The following TMEM273 variants were observed in gnomAD, a reference collection of about 807,000 sequenced individuals.
The protein encoded by TMEM273 is transmembrane protein 273.
In TMEM273, 19 loss-of-function variants were observed where a neutral mutation model predicts 17.9. The observed-to-expected ratio is 1.06, with a 90% CI of 0.74 to 1.55. TMEM273 has a LOEUF of 1.55. Among genes scored for constraint, TMEM273 ranks in the 40% most tolerant of loss-of-function variants. The pLI is 0.00. For synonymous variants in TMEM273, 66 were observed against 62.0 expected, an observed-to-expected ratio of 1.07 and a Z score of -0.31; for missense variants, 194 against 155.6, an observed-to-expected ratio of 1.25 and a Z score of -1.31.
chr10:49,176,854 C>T (rs962628412), intron 1 of TMEM273, among the ~76,000 whole-genome samples: 8 of 152,228 alleles, frequency 5.3e-5, no homozygotes, highest in African/African-American at 1.9e-4. Flanking sequence ...TAGGCATCTC[C>T]ACTCTAGTTA....
intron 1 of TMEM273, among the ~76,000 whole-genome samples, chr10:49,180,858 C>A (rs564263835): frequency 6.6e-6 from 1 of 152,280 alleles, no homozygotes; most frequent in African/African-American, 2.4e-5. Flanking sequence ...AGATCAGGAA[C>A]AAAGCAAGAA....
intron 5 of TMEM273, 35 bp from the exon 6 acceptor site, chr10:49,161,657 A>G (rs777928078): frequency 6.2e-7 from 1 of 1,613,996 alleles, no homozygotes; most frequent in East Asian, 2.2e-5. Flanking sequence ...TCATTGCCTA[A>G]GCCTTAGAAG....
At chr10:49,156,049 T>C (rs1366841382) in intron 6 of TMEM273, 140 bp from the exon 7 acceptor site, 152 of 1,560,632 alleles carry the variant, frequency 9.7e-5, no homozygotes, top group Non-Finnish European at 6.1e-6. Flanking sequence ...CACTTCCTTG[T>C]GCAACATAGA....
intron 5 of TMEM273, among the ~76,000 whole-genome samples, chr10:49,164,221 C>T (rs1039795343): frequency 5.3e-5 from 8 of 152,308 alleles, no homozygotes; most frequent in African/African-American, 1.9e-4. Context: ...ACCAACTTCC[C>T]AAAGGGCACC....
rs1203000750 is a variant in TMEM273, at chr10:49,186,076, A to AAGAAGAAGG, written c.43+2217_43+2218insCCTTCTTCT. On this transcript the variant is annotated intron_variant, in intron 1 of 6. Transcript: ENST00000374153. ...GAGGAAGAAGAAGAAGAGGAAGAAG[A>AAGAAGAAGG]AGAAGAAGAAGAAGAAGAAGAAGAA... Among the ~76,000 whole-genome samples, 4 of 141,380 alleles carry AAGAAGAAGG rather than the reference A, an allele frequency of 2.8e-5. No individual in the cohort carries two copies. The East Asian group carries it at 8.1e-4, about 29-fold the overall frequency. 92.8% of individuals were successfully genotyped at this position (141,380 alleles called of 152,430 possible).
Position 49,166,886 on chromosome 10 carries a change from G to A in TMEM273, c.221C>T (p.Thr74Met), listed in dbSNP as rs375931772. 1.9e-5 allele frequency: 31 copies of A among 1,613,776 alleles called. No homozygotes were observed. The highest frequency in any genetic ancestry group is 1.6e-4 in the Middle Eastern group (1 of 6,084). The change falls in exon 3 of 7, where the codon ACG (threonine) becomes ATG (methionine). Residue 74 changes from threonine (T) to methionine (M), a missense_variant. Coordinates refer to ENST00000374153, the MANE Select transcript of TMEM273 (RefSeq NM_001288740.3). Reference sequence around the variant, plus strand: ...TCCCTCACCACTGAGGCCCCCAGGCGTGCTTTTCAGGTCGGAAGAGTCGTC... The same window carrying A: ...TCCCTCACCACTGAGGCCCCCAGGCATGCTTTTCAGGTCGGAAGAGTCGTC... ...FDDDSSDLKS[T>M]PGGLSDTIPL... is the part of the protein sequence containing the mutation.
intron 1 of TMEM273, among the ~76,000 whole-genome samples, chr10:49,177,143 C>G (rs1847034393): frequency 6.6e-6 from 1 of 152,202 alleles, no homozygotes. Context: ...GGCTCCTGAG[C>G]CATCAGACTC....
At chr10:49,168,690 A>AAGGGAGGGAGGGAGGG (rs565991789) in intron 1 of TMEM273, among the ~76,000 whole-genome samples, 1 of 66,328 alleles carries the variant, frequency 1.5e-5, no homozygotes, top group Non-Finnish European at 2.8e-5. Flanking sequence ...GGAAGGAAGG[A>AAGGGAGGGAGGGAGGG]AGGGAGGGAG....
chr10:49,183,527 T>A (rs1439181285), intron 1 of TMEM273, among the ~76,000 whole-genome samples: 1 of 152,222 alleles, frequency 6.6e-6, no homozygotes, highest in Non-Finnish European at 1.5e-5. Context: ...AAAAATTTTT[T>A]AAAAAGTTAA....
At chr10:49,157,291 G>C (rs770454022) in intron 6 of TMEM273, among the ~76,000 whole-genome samples, 1 of 152,220 alleles carries the variant, frequency 6.6e-6, no homozygotes, top group Non-Finnish European at 1.5e-5. Context: ...AGCCACCAGA[G>C]AGCCAGGCAC....
rs1240618330 is a variant in TMEM273 at position 49,186,097 on chromosome 10, A to AAGAAGAAGAAGAAGAAGG, written c.43+2196_43+2197insCCTTCTTCTTCTTCTTCT. ...GAAGAAGAAGAAGAAGAAGAAGAAG[A>AAGAAGAAGAAGAAGAAGG]AGAAGAAGAAGAGGAAGAAGAAGAA... On this transcript the variant is annotated intron_variant, in intron 1 of 6. Transcript: ENST00000374153. 8.0e-3 allele frequency among the ~76,000 whole-genome samples: 926 copies of AAGAAGAAGAAGAAGAAGG among 116,108 alleles called. 15 individuals carry two copies. Among genetic ancestry groups the AAGAAGAAGAAGAAGAAGG allele is most frequent in the East Asian group, 0.013 (31 of 2,342 alleles). 76.2% of individuals were successfully genotyped at this position (116,108 alleles called of 152,430 possible).
At chr10:49,172,960 C>T (rs1846677818) in intron 1 of TMEM273, among the ~76,000 whole-genome samples, 1 of 152,224 alleles carries the variant, frequency 6.6e-6, no homozygotes, top group Non-Finnish European at 1.5e-5. Context: ...TTCCTGTCAA[C>T]TGTGATTGGT....
intron 1 of TMEM273, among the ~76,000 whole-genome samples, chr10:49,174,192 C>T (rs945099070): frequency 1.1e-4 from 17 of 152,242 alleles, no homozygotes; most frequent in African/African-American, 3.1e-4. Flanking sequence ...GAGTGAAACA[C>T]AAGTTATACT....
At chr10:49,168,156 G>A (rs572888993) in intron 1 of TMEM273, among the ~76,000 whole-genome samples, 194 bp from the exon 2 acceptor site, 5 of 152,222 alleles carry the variant, frequency 3.3e-5, no homozygotes, top group Middle Eastern at 3.4e-3. Context: ...CCAGGAACGC[G>A]TCTCCACCCA....
chr10:49,183,427 A>G (rs1258974793), intron 1 of TMEM273, among the ~76,000 whole-genome samples: 1 of 152,144 alleles, frequency 6.6e-6, no homozygotes, highest in Non-Finnish European at 1.5e-5. Context: ...CAAATAAGAT[A>G]AATTATTTAA....
chr10:49,171,144 G>C (rs768341246), intron 1 of TMEM273, among the ~76,000 whole-genome samples: 10 of 152,248 alleles, frequency 6.6e-5, no homozygotes, highest in Non-Finnish European at 1.2e-4. Context: ...GAGAGTCCTA[G>C]GGGACTGAGG....
At chr10:49,174,100 A>G (rs975842114) in intron 1 of TMEM273, among the ~76,000 whole-genome samples, 1 of 152,254 alleles carries the variant, frequency 6.6e-6, no homozygotes, top group African/African-American at 2.4e-5. Flanking sequence ...ACGCTGACAT[A>G]TAAAAGACTC....
chr10:49,166,875 G>A lies in TMEM273; in HGVS notation c.232C>T (p.Leu78Phe). The A allele has an allele frequency of 6.2e-7, 1 of 1,613,740 alleles. No individual in the cohort carries two copies. The highest frequency in any genetic ancestry group is 8.5e-7 in the Non-Finnish European group (1 of 1,180,014). The part of the protein sequence containing the change: ...SSDLKSTPGG[L>F]SDTIPLKKRA... ...CGAGCACCACATCCCTCACCACTGA[G>A]GCCCCCAGGCGTGCTTTTCAGGTCG... The change falls in exon 3 of 7, where the codon CTC becomes TTC. Residue 78 changes from leucine to phenylalanine, a missense_variant. Leu to Phe is a conservative substitution (Grantham distance 22). Transcript: ENST00000374153.
chr10:49,156,466 T>C (rs924906689), intron 6 of TMEM273, among the ~76,000 whole-genome samples: 3 of 152,228 alleles, frequency 2.0e-5, no homozygotes, highest in African/African-American at 7.2e-5. Flanking sequence ...AACAATAGAA[T>C]GTGGACTGAA....
Sources: allele counts gnomAD v4.1 joint callset (sites outside exome capture counted in the v4.1 genomes callset), GRCh38; gene constraint gnomAD v4.1.1; transcripts MANE v1.5; gene names NCBI Gene and HGNC (gene_info 2026-07-23, HGNC 2026-07-21).